The following TMEM17 variants were observed in gnomAD, a reference collection of about 807,000 sequenced individuals.
The protein encoded by TMEM17 is transmembrane protein 17.
TMEM17 carries 15 observed loss-of-function variants against 19.1 expected under a neutral mutation model. The ratio of observed to expected loss-of-function variants is 0.78; its 90% CI spans 0.52 to 1.21. The LOEUF is 1.21. Ranked by LOEUF, TMEM17 falls within the 50% of genes most tolerant of loss-of-function variation. TMEM17 has a pLI of 0.00. For missense variants in TMEM17, 245 were observed against 242.3 expected (o/e 1.01, Z -0.07); for synonymous variants, 103 against 86.9 (o/e 1.19, Z -1.03).
chr2:62,462,181 A>G, the TMEM17 span, among the ~76,000 whole-genome samples: 1 of 152,160 alleles, frequency 6.6e-6, no homozygotes, highest in South Asian at 2.1e-4. Flanking sequence ...TCCTGCACTC[A>G]AGTGCATCTC....
chr2:62,477,760 T>G, the TMEM17 span, among the ~76,000 whole-genome samples: 1 of 152,226 alleles, frequency 6.6e-6, no homozygotes, highest in Non-Finnish European at 1.5e-5. Flanking sequence ...ACTTGACCCT[T>G]GGAATGACTG....
At chr2:62,490,267 T>G in the TMEM17 span, among the ~76,000 whole-genome samples, 1 of 151,770 alleles carries the variant, frequency 6.6e-6, no homozygotes, top group Non-Finnish European at 1.5e-5. Context: ...ATGTGTGTAT[T>G]ATTATTATTA....
At chr2:62,457,660 G>A in the TMEM17 span, among the ~76,000 whole-genome samples, 4 of 152,172 alleles carry the variant, frequency 2.6e-5, no homozygotes, top group African/African-American at 9.7e-5. The surrounding 1 kb of genome is among the most constrained non-coding windows in gnomAD (Gnocchi z 4.2). Context: ...AGAGGGCTGA[G>A]CCAGGCTGGT....
intron 1 of TMEM17, among the ~76,000 whole-genome samples, chr2:62,503,239 C>T (rs1027981104): frequency 2.6e-5 from 4 of 152,156 alleles, no homozygotes; most frequent in Non-Finnish European, 5.9e-5. Context: ...TATAATTAGA[C>T]ACATCTCTCT....
At chr2:62,464,615 C>G in the TMEM17 span, among the ~76,000 whole-genome samples, 2 of 152,118 alleles carry the variant, frequency 1.3e-5, no homozygotes, top group Non-Finnish European at 2.9e-5. Context: ...TAGACAGAGC[C>G]GATTTATCAA....
downstream of TMEM17, among the ~76,000 whole-genome samples, chr2:62,496,154 C>G (rs114051876): frequency 7.4e-4 from 112 of 152,016 alleles, no homozygotes; most frequent in African/African-American, 2.6e-3. Context: ...AAATGGGTAA[C>G]TAAAGTCCAC....
the TMEM17 span, among the ~76,000 whole-genome samples, chr2:62,488,792 CTTTTTTTTTTTT>C: frequency 1.7e-5 from 2 of 119,024 alleles, no homozygotes; most frequent in African/African-American, 3.3e-5. Context: ...TTTTATTCTA[CTTTTTTTTTTTT>C]TTTTTTTTTG....
the TMEM17 span, among the ~76,000 whole-genome samples, chr2:62,464,601 T>A: frequency 6.6e-6 from 1 of 152,248 alleles, no homozygotes. Flanking sequence ...CCTTGCCTGC[T>A]GCCTAGACAG....
the TMEM17 span, among the ~76,000 whole-genome samples, chr2:62,492,973 A>G: frequency 0.1 from 15,884 of 152,160 alleles, 1,820 homozygotes; most frequent in African/African-American, 0.29. Flanking sequence ...AAAGAGGCCT[A>G]ATATGCCAGG....
the TMEM17 span, among the ~76,000 whole-genome samples, chr2:62,481,669 G>A: frequency 3.3e-5 from 5 of 150,772 alleles, no homozygotes; most frequent in South Asian, 2.1e-4. Flanking sequence ...ATTAGTCAGA[G>A]TCTAATGAGA....
chr2:62,455,592 AC>A, the TMEM17 span, among the ~76,000 whole-genome samples: 1 of 152,088 alleles, frequency 6.6e-6, no homozygotes, highest in African/African-American at 2.4e-5. Context: ...CATTGTGAAA[AC>A]CCGTCTTTAC....
the TMEM17 span, among the ~76,000 whole-genome samples, chr2:62,471,741 G>A: frequency 6.6e-6 from 1 of 152,246 alleles, no homozygotes; most frequent in Non-Finnish European, 1.5e-5. Context: ...TTGGGCAGGG[G>A]GCAAGGCTGA....
At chr2:62,457,184 C>T in the TMEM17 span, among the ~76,000 whole-genome samples, 2 of 152,374 alleles carry the variant, frequency 1.3e-5, no homozygotes, top group South Asian at 2.1e-4. This position sits in a 1 kb window ranked among gnomAD's most constrained non-coding sequence, Gnocchi z 4.2. Flanking sequence ...ATCGGCGACC[C>T]CGGGCGCCGC....
the TMEM17 span, among the ~76,000 whole-genome samples, chr2:62,477,383 C>T: frequency 3.1e-3 from 404 of 129,508 alleles, no homozygotes; most frequent in South Asian, 0.01. Context: ...GGCGACAGAG[C>T]GAGACTCCGT....
the TMEM17 span, among the ~76,000 whole-genome samples, chr2:62,483,537 C>T: frequency 6.6e-6 from 1 of 151,978 alleles, no homozygotes; most frequent in Admixed American, 6.6e-5. Context: ...CTAGTCAGTC[C>T]CCCAAATCCT....
At chr2:62,464,265 T>C in the TMEM17 span, among the ~76,000 whole-genome samples, 1 of 152,232 alleles carries the variant, frequency 6.6e-6, no homozygotes, top group African/African-American at 2.4e-5. Context: ...AAAAGAGCAC[T>C]GTAACACGCC....
chr2:62,505,697 C>A (rs1025738912), intron 1 of TMEM17, among the ~76,000 whole-genome samples: 2 of 152,206 alleles, frequency 1.3e-5, no homozygotes, highest in Admixed American at 1.3e-4. Context: ...GCCTGTGCAG[C>A]AAGGGCGGCT....
the TMEM17 span, among the ~76,000 whole-genome samples, chr2:62,494,736 G>A: frequency 1.3e-5 from 2 of 152,154 alleles, no homozygotes; most frequent in Non-Finnish European, 2.9e-5. Context: ...GGACGCAGTG[G>A]CTCACACCTG....
chr2:62,481,698 G>GT, the TMEM17 span, among the ~76,000 whole-genome samples: 1 of 144,052 alleles, frequency 6.9e-6, no homozygotes, highest in Non-Finnish European at 1.5e-5. Flanking sequence ...ACCCCTTAAA[G>GT]GTGTGTGTGT....
Sources: gnomAD v4.1 joint callset for allele counts (sites outside exome capture counted in the v4.1 genomes callset) on GRCh38, gnomAD v4.1.1 for gene constraint, Gnocchi (gnomAD v3.1) non-coding constraint, MANE v1.5 for transcripts, NCBI Gene and HGNC (gene_info 2026-07-23, HGNC 2026-07-21) for gene names.